ZNF473: variants seen among roughly 807,000 people sequenced by gnomAD.
ZNF473 encodes zinc finger protein 100 homolog.
Under a neutral mutation model 11.1 loss-of-function variants are expected in ZNF473, and 4 were observed. The observed-to-expected ratio is 0.36, with a 90% CI of 0.18 to 0.82. ZNF473 has a LOEUF of 0.82. ZNF473 is among the 40% of genes least tolerant of loss of function. The pLI is 0.49. For synonymous variants in ZNF473, 404 were observed against 390.4 expected (o/e 1.03, Z -0.41); for missense variants, 854 against 1,084.0 (o/e 0.79, Z 2.98).
chr19:50,031,033 G>A lies in ZNF473; in HGVS notation c.-50G>A, dbSNP rs773265591. On this transcript the variant is annotated 5_prime_UTR_variant, in exon 2 of 5. Transcript: ENST00000270617. ...CCACAGCCCTGCCAGCCGGGAACAC[G>A]GAGGGGAAGGAGGAGGAGCTTAAAA... The A allele has an allele frequency of 5.8e-6, 9 of 1,557,462 alleles. No homozygotes were observed. The African/African-American group carries it at 6.8e-5, about 12-fold the overall frequency.
At chr19:50,030,742 C>T (rs147405487) in intron 1 of ZNF473, 150 bp from the exon 2 acceptor site, 1 of 408,990 alleles carries the variant, frequency 2.4e-6, no homozygotes, top group African/African-American at 2.0e-5. Flanking sequence ...CATAGACTTT[C>T]ATCACCAAAT....
At chr19:50,044,508 C>T in intron 4 of ZNF473, 162 bp from the exon 5 acceptor site, 1 of 604,870 alleles carries the variant, frequency 1.7e-6, no homozygotes, top group Non-Finnish European at 2.9e-6. Flanking sequence ...CTTGACCCTC[C>T]TGGGAATGGG....
At chr19:50,042,078 C>G (rs1352081545) in intron 4 of ZNF473, 2 of 291,690 alleles carry the variant, frequency 6.9e-6, no homozygotes, top group African/African-American at 2.2e-5. Context: ...AGCTCCTCCT[C>G]TTTCCTTCCA....
intron 2 of ZNF473, among the ~76,000 whole-genome samples, chr19:50,038,403 G>A (rs936902534): frequency 1.3e-4 from 20 of 152,006 alleles, no homozygotes; most frequent in African/African-American, 4.8e-4. Context: ...CCACCTGTGA[G>A]TGGGTCTTTC....
In ZNF473 at chr19:50,045,944, C is replaced by T. The variant is rs1417055554; in HGVS notation, c.1501C>T (p.Arg501Cys). ...CAAGGAGACTTTCAGCGATAACAAT[C>T]GCCTTGTGCAACACCAGAAAATGCA... ...ECKETFSDNNRLVQHQKMHTV... is the reference protein window; with the variant it reads ...ECKETFSDNNCLVQHQKMHTV... Residue 501 changes from arginine to cysteine, a missense_variant, in exon 5 of 5, where the codon CGC becomes TGC. By Grantham distance (180) the Arg-to-Cys change is radical. This residue lies in a region of ZNF473 where 668 missense variants were observed against 790.2 expected (regional missense o/e 0.85). Transcript: ENST00000270617. 5 of 1,614,156 alleles carry T rather than the reference C, an allele frequency of 3.1e-6. No individual in the cohort carries two copies. Among genetic ancestry groups the T allele is most frequent in the Non-Finnish European group, 2.5e-6 (3 of 1,180,032 alleles).
At chr19:50,031,543 C>G (rs779283051) in intron 2 of ZNF473, among the ~76,000 whole-genome samples, 1 of 152,170 alleles carries the variant, frequency 6.6e-6, no homozygotes, top group South Asian at 2.1e-4. Context: ...CTCACACAGC[C>G]TTTAAGACCC....
chr19:50,036,990 G>T (rs901600529), intron 2 of ZNF473, among the ~76,000 whole-genome samples: 10 of 152,202 alleles, frequency 6.6e-5, no homozygotes, highest in African/African-American at 2.4e-4. Flanking sequence ...ATAAGTTGGG[G>T]ATAATCCTGC....
At chr19:50,028,435 CCTCCCAAGCGATCCTCCTACCTCAGT>C (rs1236819938) in intron 1 of ZNF473, among the ~76,000 whole-genome samples, 4 of 151,982 alleles carry the variant, frequency 2.6e-5, no homozygotes, top group Non-Finnish European at 4.4e-5. Context: ...CCTACCTCAG[CCTCCCAAGCGATCCTCCTACCTCAGT>C]CTCCCAAGTA....
chr19:50,031,871 A>G (rs1224968151), intron 2 of ZNF473, among the ~76,000 whole-genome samples: 1 of 151,974 alleles, frequency 6.6e-6, no homozygotes, highest in Non-Finnish European at 1.5e-5. Flanking sequence ...TAGTGATCCA[A>G]CTTGAATGAC....
At chr19:50,026,529 T>G (rs1600745005) in intron 1 of ZNF473, among the ~76,000 whole-genome samples, 1 of 132,604 alleles carries the variant, frequency 7.5e-6, no homozygotes, top group Non-Finnish European at 1.6e-5. Flanking sequence ...CCAGCCTGGG[T>G]GACAGAGCGA....
At chr19:50,030,755 C>T (rs2077313384) in intron 1 of ZNF473, 137 bp from the exon 2 acceptor site, 3 of 436,118 alleles carry the variant, frequency 6.9e-6, no homozygotes, top group Non-Finnish European at 1.3e-5. Context: ...CACCAAATCT[C>T]CTAAACATGT....
rs2077314619 is a variant in ZNF473 at position 50,030,968 on chromosome 19, T to C, written c.-115T>C. ...GTCAGCATGGACAGCGAGTCAGCCA[T>C]GGGTGGAAGGGAGGCTTTCTCACAG... is the stretch of plus-strand genomic sequence containing the variant. On this transcript the variant is annotated 5_prime_UTR_variant, in exon 2 of 5. It removes an upstream start codon present in the reference 5' UTR. Transcript: ENST00000270617. 4.8e-6 allele frequency: 7 copies of C among 1,461,636 alleles called. No homozygotes were observed. The highest frequency in any genetic ancestry group is 2.4e-5 in the South Asian group (2 of 82,136). The allele number at this position is 1,461,636 out of a possible 1,614,324, so 90.5% of individuals were successfully genotyped here.
chr19:50,029,243 C>T (rs1568832455), intron 1 of ZNF473, among the ~76,000 whole-genome samples: 2 of 152,170 alleles, frequency 1.3e-5, no homozygotes, highest in Admixed American at 6.5e-5. Flanking sequence ...CCCGGGTTCA[C>T]ACCATTCTCT....
At chr19:50,031,321 C>T (rs929228381) in intron 2 of ZNF473, among the ~76,000 whole-genome samples, 1 of 152,188 alleles carries the variant, frequency 6.6e-6, no homozygotes, top group African/African-American at 2.4e-5. Flanking sequence ...CTTCTGGGAA[C>T]CCCTATTGCT....
Position 50,044,679 on chromosome 19 carries a change from A to T in ZNF473, c.236A>T (p.Glu79Val), listed in dbSNP as rs749217626. ...GCACTTGCTCTTTCAGATGTGACTG[A>T]GACCAAGAACTCTCCTCTGATGGAG... The part of the protein sequence containing the change: ...SPEATSPDVT[E>V]TKNSPLMEDF... The change falls in exon 5 of 5, where the codon GAG becomes GTG. Residue 79 changes from glutamate to valine, a missense_variant. By Grantham distance (121) the Glu-to-Val change is moderately radical. Transcript: ENST00000270617. The T allele has an allele frequency of 6.2e-7, 1 of 1,607,354 alleles. No individual in the cohort carries two copies. The highest frequency in any genetic ancestry group is 8.5e-7 in the Non-Finnish European group (1 of 1,176,780).
Position 50,040,725 on chromosome 19 carries a change from G to C in ZNF473, c.137-1005G>C, listed in dbSNP as rs141474967. On this transcript the variant is annotated intron_variant, in intron 3 of 4. Transcript: ENST00000270617. ...TCTGTTGCCTCAGTTCTTTCTTTTT[G>C]AAGAACCAGAAAAATAATTTACTCC... 143 of 152,298 alleles carry C rather than the reference G, an allele frequency of 9.4e-4. 2 individuals are homozygous for C. The highest frequency in any genetic ancestry group is 2.6e-3 in the African/African-American group (109 of 41,548). 9.4% of individuals were successfully genotyped at this position (152,298 alleles called of 1,614,324 possible).
intron 1 of ZNF473, among the ~76,000 whole-genome samples, chr19:50,029,019 G>T (rs763920529): frequency 6.6e-6 from 1 of 152,160 alleles, no homozygotes; most frequent in Non-Finnish European, 1.5e-5. Context: ...CTACTACAGG[G>T]TATTTTTTAA....
chr19:50,037,925 A>G (rs941804678), intron 2 of ZNF473, among the ~76,000 whole-genome samples: 6 of 151,798 alleles, frequency 4.0e-5, no homozygotes, highest in Non-Finnish European at 7.4e-5. Context: ...CCTTATAGTG[A>G]AAACTGGCAA....
chr19:50,035,659 C>T (rs1488687850), intron 2 of ZNF473, among the ~76,000 whole-genome samples: 1 of 152,148 alleles, frequency 6.6e-6, no homozygotes, highest in Admixed American at 6.5e-5. Flanking sequence ...AAGTAGACAA[C>T]AAGCACCACT....
Sources: gnomAD v4.1 joint callset for allele counts (sites outside exome capture counted in the v4.1 genomes callset) on GRCh38, gnomAD v4.1.1 for gene constraint, gnomAD v4.1.1 regional missense constraint, MANE v1.5 for transcripts, NCBI Gene and HGNC (gene_info 2026-07-23, HGNC 2026-07-21) for gene names.